PAM: variants seen among roughly 807,000 people sequenced by gnomAD.
PAM encodes the protein peptidyl-glycine alpha-amidating monooxygenase.
A neutral mutation model predicts 122.1 loss-of-function variants in PAM; 72 were observed. The ratio of observed to expected loss-of-function variants is 0.59; its 90% confidence interval spans 0.49 to 0.72. The LOEUF (loss-of-function observed/expected upper bound fraction) is 0.72, where lower values mean the gene tolerates loss of function less well. Ranked by LOEUF, PAM falls within the 30% of genes least tolerant of loss-of-function variation. The probability of loss-of-function intolerance (pLI) is 0.00; values close to 1 mark genes in which losing one functional copy is unlikely to be tolerated. For synonymous variants in PAM, 389 were observed against 404.4 expected, an observed-to-expected ratio of 0.96 and a Z score of 0.46; for missense variants, 1,106 against 1,183.7, an observed-to-expected ratio of 0.93 and a Z score of 0.96.
At chr5:102,868,796 A>G (rs1561692018) in intron 3 of PAM, among the ~76,000 whole-genome samples, 1 of 152,144 alleles carries the variant, frequency 6.6e-6, no homozygotes, top group Non-Finnish European at 1.5e-5. Context: ...CTTTCTTCTC[A>G]TTATTTAAGA....
At position 102,820,388 on chromosome 5, in the gene PAM, T is replaced by C. The variant is rs151183667; in HGVS notation, c.-373-45435T>C. 2.1e-3 allele frequency among the ~76,000 whole-genome samples: 319 copies of C among 152,288 alleles called. 6 individuals are homozygous for C. In the East Asian group the frequency reaches 0.055, roughly 26 times the overall value. ...TCAAAAGAATATGCTCATTTTAAAA[T>C]TTTTATAACTGTTAGATTATGATAA... On this transcript the variant is annotated intron_variant, in intron 1 of 25. Coordinates refer to ENST00000438793, the MANE Select transcript of PAM (RefSeq NM_001177306.2).
intron 3 of PAM, among the ~76,000 whole-genome samples, chr5:102,897,280 A>C (rs986333812): frequency 6.6e-5 from 10 of 151,594 alleles, no homozygotes; most frequent in Admixed American, 6.6e-4. Flanking sequence ...AAATGTACAC[A>C]ATCAGGGGTT....
chr5:102,996,562 A>G (rs1775769546), intron 16 of PAM, among the ~76,000 whole-genome samples: 1 of 152,182 alleles, frequency 6.6e-6, no homozygotes, highest in Non-Finnish European at 1.5e-5. Flanking sequence ...CTCATTTGAG[A>G]AAAGATGTCA....
intron 1 of PAM, among the ~76,000 whole-genome samples, chr5:102,844,710 TG>T (rs1779538891): frequency 6.6e-6 from 1 of 151,968 alleles, no homozygotes; most frequent in South Asian, 2.1e-4. Context: ...AAAAAAAGAA[TG>T]GGCTCTTAAA....
intron 6 of PAM, among the ~76,000 whole-genome samples, chr5:102,925,265 G>A (rs1749022652): frequency 6.6e-6 from 1 of 152,180 alleles, no homozygotes; most frequent in Non-Finnish European, 1.5e-5. Flanking sequence ...CAACAGTTTA[G>A]ATAAAATTAG....
At chr5:102,936,461 T>C (rs116407707) in intron 7 of PAM, among the ~76,000 whole-genome samples, 11 of 152,238 alleles carry the variant, frequency 7.2e-5, no homozygotes, top group African/African-American at 2.4e-4. Flanking sequence ...AGTTCCAACA[T>C]AGGTCTTTGT....
rs138352233 is a variant in PAM at position 102,781,836 on chromosome 5, G to A, written c.-374+26488G>A. Among the ~76,000 whole-genome samples the A allele has an allele frequency of 7.1e-4, 108 of 152,246 alleles. 1 individual carries two copies. Among genetic ancestry groups the A allele is most frequent in the African/African-American group, 2.2e-3 (92 of 41,548 alleles). ...ACATGGTGCTTCTTGTGGATTAGCC[G>A]TGCTCTTCTAAGAACTACACGTTTT... On this transcript the variant is annotated intron_variant, in intron 1 of 25. Transcript: ENST00000438793.
At chr5:102,861,786 A>G (rs1346844754) in intron 1 of PAM, among the ~76,000 whole-genome samples, 1 of 152,156 alleles carries the variant, frequency 6.6e-6, no homozygotes. Flanking sequence ...TGATTACGGA[A>G]AAAAGTTATT....
Position 102,917,836 on chromosome 5 carries a change from T to A in PAM, c.356+3815T>A, listed in dbSNP as rs1488070717. On this transcript the variant is annotated intron_variant, in intron 5 of 25. Transcript: ENST00000438793. ...CTTTCTACTGTTCATTAAAATATAT[T>A]TACAGTTATATTAAGTTTATATAAA... Among the ~76,000 whole-genome samples, 4 of 152,316 alleles carry A rather than the reference T, an allele frequency of 2.6e-5. No homozygotes were observed. The East Asian group carries it at 7.7e-4, about 29-fold the overall frequency.
chr5:102,963,609 CT>C (rs1174511432), intron 14 of PAM, among the ~76,000 whole-genome samples: 1 of 151,838 alleles, frequency 6.6e-6, no homozygotes, highest in Non-Finnish European at 1.5e-5. Flanking sequence ...TAGCCACAAG[CT>C]AACAGACACC....
chr5:102,867,334 C>A lies in PAM; in HGVS notation c.151C>A (p.Pro51Thr). The change falls in exon 3 of 26, where the codon CCT becomes ACT. Residue 51 changes from proline to threonine, a missense_variant. By Grantham distance (38) the Pro-to-Thr change is conservative. Around this residue, in one of 3 missense-constraint regions of PAM, gnomAD observed 670 missense variants for 690.3 expected, o/e 0.97. Coordinates refer to ENST00000438793, the MANE Select transcript of PAM (RefSeq NM_001177306.2). ...ECLGTTRPVV[P>T]IDSSDFALDI... The stretch of plus-strand genomic sequence containing the variant: ...TCTTGGTACCACCAGACCCGTAGTT[C>A]CTATTGATTCATCAGATTTTGCATT... 1 of 1,604,144 alleles carries A rather than the reference C, an allele frequency of 6.2e-7. No individual in the cohort carries two copies. The highest frequency in any genetic ancestry group is 8.5e-7 in the Non-Finnish European group (1 of 1,171,078).
rs545385432 is a variant in PAM, at chr5:102,788,837, G to A, written c.-374+33489G>A. On this transcript the variant is annotated intron_variant, in intron 1 of 25. Transcript: ENST00000438793. The stretch of plus-strand genomic sequence containing the variant: ...TTTTAATAACAAAGTTGTGAGTGTT[G>A]TGGTGGCATTATTAAAATACATATG... 4.6e-5 allele frequency among the ~76,000 whole-genome samples: 7 copies of A among 152,258 alleles called. No homozygotes were observed. The South Asian group carries it at 1.5e-3, about 32-fold the overall frequency.
intron 3 of PAM, among the ~76,000 whole-genome samples, chr5:102,885,329 A>G (rs1191504561): frequency 1.3e-5 from 2 of 151,956 alleles, no homozygotes; most frequent in East Asian, 3.9e-4. Flanking sequence ...TGTTTATCTT[A>G]CCATTTCTAC....
At chr5:102,785,012 A>T (rs919764917) in intron 1 of PAM, among the ~76,000 whole-genome samples, 1 of 152,266 alleles carries the variant, frequency 6.6e-6, no homozygotes, top group African/African-American at 2.4e-5. Flanking sequence ...TTTAGGATTC[A>T]GCAAGTCATT....
At chr5:102,889,128 C>T (rs1794025339) in intron 3 of PAM, among the ~76,000 whole-genome samples, 1 of 151,940 alleles carries the variant, frequency 6.6e-6, no homozygotes, top group African/African-American at 2.4e-5. Context: ...ACTGGCCTCT[C>T]CAGATGTCCT....
chr5:102,877,978 T>C (rs1259938405), intron 3 of PAM, among the ~76,000 whole-genome samples: 1 of 151,876 alleles, frequency 6.6e-6, no homozygotes, highest in African/African-American at 2.4e-5. Context: ...CAGTGAACTA[T>C]GATTGTCACA....
At chr5:102,809,515 T>C (rs1767287313) in intron 1 of PAM, among the ~76,000 whole-genome samples, 1 of 152,222 alleles carries the variant, frequency 6.6e-6, no homozygotes, top group African/African-American at 2.4e-5. Flanking sequence ...CTTTATATAG[T>C]TGAACGTTTA....
intron 3 of PAM, among the ~76,000 whole-genome samples, chr5:102,878,905 T>C (rs1471841103): frequency 6.6e-6 from 1 of 152,020 alleles, no homozygotes; most frequent in Non-Finnish European, 1.5e-5. Flanking sequence ...TGATTTATTA[T>C]TGAAGAAAGA....
At position 102,926,602 on chromosome 5, in the gene PAM, G is replaced by A. The variant is rs757217194; in HGVS notation, c.460G>A (p.Gly154Arg). Residue 154 changes from glycine to arginine, a missense_variant, in exon 7 of 26, where the codon GGA becomes AGA. Gly to Arg is a moderately radical substitution (Grantham distance 125, BLOSUM62 -2). This residue lies in a region of PAM where 670 missense variants were observed against 690.3 expected (regional missense o/e 0.97). Coordinates refer to ENST00000438793, the MANE Select transcript of PAM (RefSeq NM_001177306.2). ...ATCTTTAGGTGTTGGATTCAGAGTTGGAGGAGAGACTGGAAGTAAATACTT... is the reference window on the plus strand; with the variant it reads ...ATCTTTAGGTGTTGGATTCAGAGTTAGAGGAGAGACTGGAAGTAAATACTT... ...RLPKGVGFRV[G>R]GETGSKYFVL... The A allele has an allele frequency of 3.2e-6, 5 of 1,584,960 alleles. No homozygotes were observed. Among genetic ancestry groups the A allele is most frequent in the Non-Finnish European group, 4.3e-6 (5 of 1,153,866 alleles).
Sources: gnomAD v4.1 joint callset for allele counts (sites outside exome capture counted in the v4.1 genomes callset) on GRCh38, gnomAD v4.1.1 for gene constraint, gnomAD v4.1.1 regional missense constraint, MANE v1.5 for transcripts, NCBI Gene and HGNC (gene_info 2026-07-23, HGNC 2026-07-21) for gene names.